Variants in OPCML observed in about 807,000 individuals in gnomAD.
The protein encoded by OPCML is opioid binding protein/cell adhesion molecule like.
A neutral mutation model predicts 37.8 loss-of-function variants in OPCML; 13 were observed. The ratio of observed to expected loss-of-function variants is 0.34; its 90% confidence interval spans 0.22 to 0.55. The LOEUF is 0.55. Among genes scored for constraint, OPCML ranks in the 20% least tolerant of loss-of-function variants. OPCML has a pLI of 0.91. For synonymous variants in OPCML, 176 were observed against 168.8 expected (o/e 1.04, Z -0.33); for missense variants, 341 against 435.6 (o/e 0.78, Z 1.93).
At chr11:132,893,474 T>C (rs1200261897) in intron 2 of OPCML, among the ~76,000 whole-genome samples, 1 of 152,178 alleles carries the variant, frequency 6.6e-6, no homozygotes, top group Non-Finnish European at 1.5e-5. Context: ...AAGCTCTGTG[T>C]GTAGTCTCCT....
intron 2 of OPCML, among the ~76,000 whole-genome samples, chr11:132,875,622 G>A (rs755826786): frequency 4.6e-5 from 7 of 151,960 alleles, no homozygotes; most frequent in Non-Finnish European, 8.8e-5. Context: ...GCACCACCAC[G>A]CCTGGCTAAT....
At chr11:133,241,545 C>T (rs1381855663) in intron 1 of OPCML, among the ~76,000 whole-genome samples, 1 of 152,214 alleles carries the variant, frequency 6.6e-6, no homozygotes, top group African/African-American at 2.4e-5. Flanking sequence ...AAGCTCTTCA[C>T]TTGTTTCCAG....
intron 1 of OPCML, among the ~76,000 whole-genome samples, chr11:133,502,474 T>C (rs1947938570): frequency 6.6e-6 from 1 of 152,198 alleles, no homozygotes; most frequent in African/African-American, 2.4e-5. Flanking sequence ...ACTGGAGCAG[T>C]GCTGAGGTCA....
intron 4 of OPCML, among the ~76,000 whole-genome samples, chr11:132,458,466 T>A (rs2096089992): frequency 1.3e-5 from 2 of 152,162 alleles, no homozygotes; most frequent in Non-Finnish European, 2.9e-5. Context: ...GAGGTTTTGA[T>A]GAGACAATAA....
intron 1 of OPCML, among the ~76,000 whole-genome samples, chr11:132,966,777 A>C (rs1342045927): frequency 6.6e-6 from 1 of 152,038 alleles, no homozygotes; most frequent in Non-Finnish European, 1.5e-5. Context: ...TTCCTGATGG[A>C]TTGACCCTTT....
At chr11:133,375,749 C>A (rs1483937684) in intron 1 of OPCML, among the ~76,000 whole-genome samples, 2 of 152,128 alleles carry the variant, frequency 1.3e-5, no homozygotes, top group East Asian at 1.9e-4. Context: ...TTAACTAGTT[C>A]TCTGTCTATT....
chr11:133,091,188 G>A (rs960757793), intron 1 of OPCML, among the ~76,000 whole-genome samples: 2 of 152,210 alleles, frequency 1.3e-5, no homozygotes, highest in Admixed American at 1.3e-4. Flanking sequence ...CTTTGGTGGT[G>A]TCCACATTGT....
chr11:132,666,743 G>A (rs539136489), intron 2 of OPCML, among the ~76,000 whole-genome samples: 1 of 152,368 alleles, frequency 6.6e-6, no homozygotes, highest in East Asian at 1.9e-4. Flanking sequence ...GATTGAGGTT[G>A]ACTCAGGTAA....
chr11:133,463,223 A>G (rs1173605008), intron 1 of OPCML, among the ~76,000 whole-genome samples: 1 of 152,008 alleles, frequency 6.6e-6, no homozygotes, highest in Non-Finnish European at 1.5e-5. Context: ...AAAAAGTGGA[A>G]TGATAGTCAC....
At chr11:133,406,830 T>C (rs1021583300) in intron 1 of OPCML, among the ~76,000 whole-genome samples, 2 of 152,036 alleles carry the variant, frequency 1.3e-5, no homozygotes, top group Non-Finnish European at 2.9e-5. Context: ...GACTCAGGAG[T>C]GGTGGAAACA....
chr11:132,501,106 T>C (rs186460764), intron 4 of OPCML, among the ~76,000 whole-genome samples: 2 of 152,292 alleles, frequency 1.3e-5, no homozygotes, highest in Admixed American at 1.3e-4. Flanking sequence ...TATTTCTGCT[T>C]CTATATCCTT....
intron 2 of OPCML, among the ~76,000 whole-genome samples, chr11:132,850,506 C>G (rs926836764): frequency 6.9e-6 from 1 of 144,584 alleles, no homozygotes; most frequent in African/African-American, 2.6e-5. Context: ...TGATTCTACA[C>G]TGTGGAAAGG....
chr11:133,476,388 GTTAGT>G (rs1326998701), intron 1 of OPCML, among the ~76,000 whole-genome samples: 2 of 37,040 alleles, frequency 5.4e-5, no homozygotes, highest in East Asian at 4.9e-3. Flanking sequence ...GTACTCTGTT[GTTAGT>G]TTTTTTTTTT....
chr11:133,070,547 CCTCA>C (rs1228677508), intron 1 of OPCML, among the ~76,000 whole-genome samples: 2 of 152,158 alleles, frequency 1.3e-5, no homozygotes, highest in Non-Finnish European at 2.9e-5. Context: ...GGCTACAAGC[CCTCA>C]CTCCCTACTT....
At chr11:133,068,506 A>T (rs1180040170) in intron 1 of OPCML, among the ~76,000 whole-genome samples, 2 of 152,182 alleles carry the variant, frequency 1.3e-5, no homozygotes, top group Non-Finnish European at 2.9e-5. Flanking sequence ...CTGTTCTCTC[A>T]TCGCTCCCCT....
intron 4 of OPCML, among the ~76,000 whole-genome samples, chr11:132,505,351 C>G (rs116535329): frequency 1.8e-3 from 267 of 152,172 alleles, no homozygotes; most frequent in African/African-American, 5.7e-3. Context: ...TTCATGTGAT[C>G]GAGCCGTACA....
intron 1 of OPCML, among the ~76,000 whole-genome samples, chr11:132,960,169 C>T (rs931323406): frequency 6.6e-6 from 1 of 152,228 alleles, no homozygotes; most frequent in African/African-American, 2.4e-5. Flanking sequence ...ATATCCAGTT[C>T]TAAGGTAAGT....
chr11:133,340,121 T>C (rs1384679650), intron 1 of OPCML, among the ~76,000 whole-genome samples: 2 of 152,226 alleles, frequency 1.3e-5, no homozygotes, highest in Non-Finnish European at 2.9e-5. Flanking sequence ...TTTGTCTACA[T>C]GGCAGTGAGA....
At chr11:133,327,870 T>C (rs1006886347) in intron 1 of OPCML, among the ~76,000 whole-genome samples, 1 of 152,302 alleles carries the variant, frequency 6.6e-6, no homozygotes, top group Middle Eastern at 3.4e-3. Flanking sequence ...GCACCAGGGT[T>C]CTGATCAAAC....
Sources: allele counts gnomAD v4.1 joint callset (sites outside exome capture counted in the v4.1 genomes callset), GRCh38; gene constraint gnomAD v4.1.1; transcripts MANE v1.5; gene names NCBI Gene and HGNC (gene_info 2026-07-23, HGNC 2026-07-21).